Variants in SGCZ observed in about 807,000 individuals in gnomAD.
The protein encoded by SGCZ is zeta-sarcoglycan.
SGCZ carries 40 observed loss-of-function variants against 41.3 expected under a neutral mutation model. The observed-to-expected ratio is 0.97, with a 90% CI of 0.75 to 1.26. SGCZ has a LOEUF of 1.26. SGCZ is among the 50% of genes most tolerant of loss of function. SGCZ has a pLI of 0.00. For missense variants in SGCZ, 552 were observed against 369.8 expected, an observed-to-expected ratio of 1.49 and a Z score of -4.04; for synonymous variants, 206 against 137.5, an observed-to-expected ratio of 1.50 and a Z score of -3.49.
intron 1 of SGCZ, among the ~76,000 whole-genome samples, chr8:15,049,383 G>C (rs776787517): frequency 2.1e-4 from 32 of 152,158 alleles, no homozygotes; most frequent in Non-Finnish European, 4.4e-4. Context: ...AGCAGGAAGA[G>C]ATGAGTGTGA....
At chr8:14,327,639 T>C (rs1802169845) in intron 2 of SGCZ, among the ~76,000 whole-genome samples, 1 of 152,236 alleles carries the variant, frequency 6.6e-6, no homozygotes, top group Non-Finnish European at 1.5e-5. Flanking sequence ...TTATGCTATG[T>C]GCATCTTTGA....
intron 4 of SGCZ, among the ~76,000 whole-genome samples, chr8:14,230,766 T>TG (rs774569313): frequency 3.2e-5 from 3 of 92,792 alleles, no homozygotes; most frequent in South Asian, 9.6e-4. Context: ...TTGGTGGTGG[T>TG]GGGGGGGTGG....
chr8:14,935,228 C>T (rs1585392548), intron 1 of SGCZ, among the ~76,000 whole-genome samples: 1 of 151,590 alleles, frequency 6.6e-6, no homozygotes, highest in Non-Finnish European at 1.5e-5. Flanking sequence ...TAAATCCATA[C>T]TTTTGCATGT....
chr8:14,347,681 C>T, intron 2 of SGCZ, among the ~76,000 whole-genome samples: 1 of 151,322 alleles, frequency 6.6e-6, no homozygotes, highest in Non-Finnish European at 1.5e-5. Context: ...TTATTTTCAT[C>T]AAATTTTTAG....
intron 2 of SGCZ, among the ~76,000 whole-genome samples, chr8:14,438,381 G>A (rs558064613): frequency 4.0e-5 from 6 of 151,860 alleles, no homozygotes; most frequent in Non-Finnish European, 5.9e-5. Flanking sequence ...GGTCTTAGAC[G>A]TCATAATTCA....
chr8:15,225,610 G>A lies in SGCZ; in HGVS notation c.39+11975C>T, dbSNP rs547752160. ...TCTGTATCATGGTATATTGTGTTGCGGAGTGTGGATTATAACGTAAGCAAT... is the reference window on the plus strand; with the variant it reads ...TCTGTATCATGGTATATTGTGTTGCAGAGTGTGGATTATAACGTAAGCAAT... On this transcript the variant is annotated intron_variant, in intron 1 of 7. Coordinates refer to ENST00000382080, the MANE Select transcript of SGCZ (RefSeq NM_139167.4). Among the ~76,000 whole-genome samples, 10 of 152,200 alleles carry A rather than the reference G, an allele frequency of 6.6e-5. No individual in the cohort carries two copies. In the East Asian group the frequency reaches 7.7e-4, roughly 12 times the overall value.
chr8:14,248,197 C>G (rs1799171817), intron 3 of SGCZ, among the ~76,000 whole-genome samples: 1 of 152,118 alleles, frequency 6.6e-6, no homozygotes, highest in African/African-American at 2.4e-5. Context: ...ACATTTTTCC[C>G]ACTTCTCTTC....
Position 15,198,513 on chromosome 8 carries a change from A to G in SGCZ, c.39+39072T>C, listed in dbSNP as rs17656249. On this transcript the variant is annotated intron_variant, in intron 1 of 7. Transcript: ENST00000382080. Reference sequence around the variant, plus strand: ...TAAAAGTAGCACATCAATCTGGGATAATTCATGTACAATCTTGTGAAATGG... The same window carrying G: ...TAAAAGTAGCACATCAATCTGGGATGATTCATGTACAATCTTGTGAAATGG... Among the ~76,000 whole-genome samples, 1,056 of 152,322 alleles carry G rather than the reference A, an allele frequency of 6.9e-3. 50 individuals carry two copies. In the East Asian group the frequency reaches 0.12, roughly 17 times the overall value.
chr8:14,126,356 C>T (rs965326736), intron 5 of SGCZ, among the ~76,000 whole-genome samples: 1 of 152,134 alleles, frequency 6.6e-6, no homozygotes. Flanking sequence ...GACATTTATT[C>T]AGCCAACAAA....
At chr8:14,236,054 T>C (rs1335971608) in intron 4 of SGCZ, among the ~76,000 whole-genome samples, 1 of 152,216 alleles carries the variant, frequency 6.6e-6, no homozygotes, top group Non-Finnish European at 1.5e-5. Context: ...AAGGCAGTTC[T>C]ATCTGGCTGA....
intron 1 of SGCZ, among the ~76,000 whole-genome samples, chr8:15,148,250 C>A (rs6530838): frequency 0.075 from 11,428 of 152,162 alleles, 1,228 homozygotes; most frequent in African/African-American, 0.24. Flanking sequence ...TGATGTGAGT[C>A]AATATTGGGG....
At chr8:14,375,761 T>G (rs1286346059) in intron 2 of SGCZ, among the ~76,000 whole-genome samples, 3 of 152,060 alleles carry the variant, frequency 2.0e-5, no homozygotes, top group Non-Finnish European at 4.4e-5. Flanking sequence ...TGTTTAGTAC[T>G]TAAACAGAAA....
At chr8:14,360,091 G>A (rs1803454093) in intron 2 of SGCZ, among the ~76,000 whole-genome samples, 1 of 151,988 alleles carries the variant, frequency 6.6e-6, no homozygotes, top group South Asian at 2.1e-4. Context: ...TCAAAAAACT[G>A]GGTATAGAAG....
intron 7 of SGCZ, among the ~76,000 whole-genome samples, chr8:14,095,697 A>T (rs1488738227): frequency 6.6e-6 from 1 of 152,146 alleles, no homozygotes; most frequent in East Asian, 1.9e-4. Context: ...TTTGGGTAGT[A>T]TGGCCATTTT....
At chr8:14,803,765 C>T (rs971694882) in intron 1 of SGCZ, among the ~76,000 whole-genome samples, 3 of 150,590 alleles carry the variant, frequency 2.0e-5, no homozygotes, top group African/African-American at 7.4e-5. Context: ...TAGGCTCCAC[C>T]TCTGGGGGCA....
intron 1 of SGCZ, among the ~76,000 whole-genome samples, chr8:14,906,175 A>G (rs1799115551): frequency 6.6e-6 from 1 of 152,140 alleles, no homozygotes; most frequent in African/African-American, 2.4e-5. Context: ...TCTAGGACAC[A>G]TACTGCAGGA....
At chr8:14,558,420 T>A (rs1025491662) in intron 1 of SGCZ, among the ~76,000 whole-genome samples, 3 of 151,728 alleles carry the variant, frequency 2.0e-5, no homozygotes, top group African/African-American at 7.3e-5. Context: ...ACCAAAAATA[T>A]AAAAATTAGC....
intron 1 of SGCZ, among the ~76,000 whole-genome samples, chr8:15,105,662 G>T (rs1585567484): frequency 6.6e-6 from 1 of 152,218 alleles, no homozygotes; most frequent in East Asian, 1.9e-4. Flanking sequence ...CATGAGATCT[G>T]GGCAGGGACA....
intron 1 of SGCZ, among the ~76,000 whole-genome samples, chr8:15,150,265 A>G (rs1182492200): frequency 6.6e-6 from 1 of 152,224 alleles, no homozygotes; most frequent in Non-Finnish European, 1.5e-5. Context: ...ATTTTTACAA[A>G]GTTATTACAA....
Sources: gnomAD v4.1 joint callset for allele counts (sites outside exome capture counted in the v4.1 genomes callset) on GRCh38, gnomAD v4.1.1 for gene constraint, MANE v1.5 for transcripts, NCBI Gene and HGNC (gene_info 2026-07-23, HGNC 2026-07-21) for gene names.